SYT1: variants seen among roughly 807,000 people sequenced by gnomAD.
SYT1 encodes synaptotagmin-1.
A neutral mutation model predicts 44.8 loss-of-function variants in SYT1; 8 were observed. That is an observed-to-expected ratio of 0.18 (90% CI 0.10 to 0.32). The LOEUF (loss-of-function observed/expected upper bound fraction) is 0.32. Among genes scored for constraint, SYT1 ranks in the 10% least tolerant of loss-of-function variants. SYT1 has a pLI of 1.00. For missense variants in SYT1, 286 were observed against 509.3 expected (o/e 0.56, Z 4.22); for synonymous variants, 154 against 188.8 (o/e 0.82, Z 1.51).
chr12:79,353,661 C>T (rs11609641), intron 9 of SYT1, 42 bp downstream of exon 9: 175,090 of 1,438,836 alleles, frequency 0.12, 12,075 homozygotes, highest in Non-Finnish European at 0.14. Flanking sequence ...AATGCTGTTT[C>T]GTCGTGGATA....
chr12:79,161,340 A>G (rs1001294533), intron 3 of SYT1, among the ~76,000 whole-genome samples: 2 of 152,152 alleles, frequency 1.3e-5, no homozygotes, highest in Non-Finnish European at 2.9e-5. Flanking sequence ...AGTTTTGCCT[A>G]GAGTATTCAG....
intron 3 of SYT1, among the ~76,000 whole-genome samples, chr12:79,204,562 T>A (rs1337462915): frequency 6.6e-6 from 1 of 152,198 alleles, no homozygotes; most frequent in Non-Finnish European, 1.5e-5. Context: ...CTAAGCTATA[T>A]CTCTTCATAA....
intron 3 of SYT1, among the ~76,000 whole-genome samples, chr12:79,118,920 A>T (rs2138123870): frequency 6.6e-6 from 1 of 152,304 alleles, no homozygotes; most frequent in African/African-American, 2.4e-5. Flanking sequence ...TCAGATCCAG[A>T]TATCCAACTG....
rs894717491 is a variant in SYT1 at position 79,052,021 on chromosome 12, G to T, written c.-18+4659G>T. Among the ~76,000 whole-genome samples, 9 of 151,916 alleles carry T rather than the reference G, an allele frequency of 5.9e-5. No individual in the cohort carries two copies. The East Asian group carries it at 1.5e-3, about 26-fold the overall frequency. On this transcript the variant is annotated intron_variant, in intron 3 of 10. Transcript: ENST00000261205. ...GACTTGGCAATGCAGGCTCTTTTTTGGTTCCATATGAACTTTAAAATAGTT... is the reference window on the plus strand; with the variant it reads ...GACTTGGCAATGCAGGCTCTTTTTTTGTTCCATATGAACTTTAAAATAGTT...
chr12:79,338,720 T>C (rs2139038369), intron 8 of SYT1, among the ~76,000 whole-genome samples: 1 of 147,792 alleles, frequency 6.8e-6, no homozygotes, highest in South Asian at 2.3e-4. Flanking sequence ...GTGCACAATG[T>C]GCAGGTTTGT....
At chr12:78,925,491 G>C (rs1159091060) in intron 1 of SYT1, among the ~76,000 whole-genome samples, 4 of 151,702 alleles carry the variant, frequency 2.6e-5, no homozygotes, top group Non-Finnish European at 5.9e-5. Context: ...TTTTGTTTTA[G>C]GTTTTTAGTT....
rs531985031 is a variant in SYT1 at position 78,979,292 on chromosome 12, T to G, written c.-84+1361T>G. Among the ~76,000 whole-genome samples, 207 of 152,288 alleles carry G rather than the reference T, an allele frequency of 1.4e-3. 1 individual carries two copies. The highest frequency in any genetic ancestry group is 4.6e-3 in the African/African-American group (193 of 41,570). ...CTTAAAATATTTCCATTTTGTTCTC[T>G]TCTACATTAATGTCTTTTAGGAACA... On this transcript the variant is annotated intron_variant, in intron 2 of 10. Transcript: ENST00000261205.
At chr12:78,929,751 C>T (rs1877529071) in intron 1 of SYT1, among the ~76,000 whole-genome samples, 1 of 151,974 alleles carries the variant, frequency 6.6e-6, no homozygotes, top group East Asian at 1.9e-4. Flanking sequence ...TAATAATTAC[C>T]AACCTAAAAG....
At chr12:79,079,408 G>A (rs1308091450) in intron 3 of SYT1, among the ~76,000 whole-genome samples, 1 of 152,096 alleles carries the variant, frequency 6.6e-6, no homozygotes, top group African/African-American at 2.4e-5. Flanking sequence ...AGATTGACAT[G>A]TATTTGTGAG....
At chr12:78,907,361 C>A (rs1876049807) in intron 1 of SYT1, among the ~76,000 whole-genome samples, 1 of 151,580 alleles carries the variant, frequency 6.6e-6, no homozygotes, top group Non-Finnish European at 1.5e-5. Context: ...ATGGAAAAAT[C>A]AATTAGTTTA....
chr12:79,419,820 TTTTG>T (rs1263508781), intron 9 of SYT1, among the ~76,000 whole-genome samples: 2 of 152,156 alleles, frequency 1.3e-5, no homozygotes, highest in Non-Finnish European at 2.9e-5. Flanking sequence ...TGTTTTCTCA[TTTTG>T]TTTGTCATTC....
chr12:79,178,325 T>A (rs890146867), intron 3 of SYT1, among the ~76,000 whole-genome samples: 16 of 151,878 alleles, frequency 1.1e-4, no homozygotes, highest in African/African-American at 3.9e-4. Context: ...CCTTTTTATT[T>A]CAATTTTTTT....
intron 5 of SYT1, among the ~76,000 whole-genome samples, chr12:79,287,595 T>A (rs1318259940): frequency 6.6e-6 from 1 of 152,164 alleles, no homozygotes; most frequent in Non-Finnish European, 1.5e-5. Context: ...ATCATAAAAT[T>A]TGAATGTGGT....
chr12:79,423,082 T>A (rs1322617106), intron 9 of SYT1, among the ~76,000 whole-genome samples: 1 of 152,044 alleles, frequency 6.6e-6, no homozygotes, highest in Non-Finnish European at 1.5e-5. Context: ...AATTCACCAG[T>A]AAGGTTCCAG....
At chr12:79,050,421 G>A (rs1310706303) in intron 3 of SYT1, among the ~76,000 whole-genome samples, 1 of 151,958 alleles carries the variant, frequency 6.6e-6, no homozygotes, top group Non-Finnish European at 1.5e-5. Flanking sequence ...TTGTTCAAGT[G>A]TCAACTATAG....
intron 2 of SYT1, among the ~76,000 whole-genome samples, chr12:79,043,720 C>T (rs1192835871): frequency 1.3e-5 from 2 of 152,148 alleles, no homozygotes; most frequent in Non-Finnish European, 2.9e-5. Flanking sequence ...TCTTCCTAGT[C>T]TCCATGGTCT....
At chr12:79,075,408 C>T (rs1271073860) in intron 3 of SYT1, among the ~76,000 whole-genome samples, 1 of 152,156 alleles carries the variant, frequency 6.6e-6, no homozygotes, top group African/African-American at 2.4e-5. Context: ...TTTTCCTTCC[C>T]AGCAAGTGTC....
At chr12:79,167,534 C>T (rs546646877) in intron 3 of SYT1, among the ~76,000 whole-genome samples, 21 of 151,958 alleles carry the variant, frequency 1.4e-4, no homozygotes, top group African/African-American at 2.9e-4. Flanking sequence ...TTTGATAATA[C>T]GAAGAATCAC....
intron 1 of SYT1, among the ~76,000 whole-genome samples, chr12:78,920,487 A>G (rs1412074366): frequency 6.6e-6 from 1 of 152,022 alleles, no homozygotes; most frequent in African/African-American, 2.4e-5. Flanking sequence ...GTAAAAATTC[A>G]AGAAGCAATT....
Sources: allele counts gnomAD v4.1 joint callset (sites outside exome capture counted in the v4.1 genomes callset), GRCh38; gene constraint gnomAD v4.1.1; transcripts MANE v1.5; gene names NCBI Gene and HGNC (gene_info 2026-07-23, HGNC 2026-07-21).